The following FOXP2 variants were observed in gnomAD, a reference collection of about 807,000 sequenced individuals.
The protein encoded by FOXP2 is forkhead box protein P2.
FOXP2 carries 12 observed loss-of-function variants against 115.8 expected under a neutral mutation model. The ratio of observed to expected loss-of-function variants is 0.10; its 90% CI spans 0.07 to 0.17. The LOEUF is 0.17. FOXP2 is among the 10% of genes least tolerant of loss of function. The probability of loss-of-function intolerance (pLI) is 1.00; values close to 1 mark genes in which losing one functional copy is unlikely to be tolerated. For missense variants in FOXP2, 629 were observed against 843.5 expected (o/e 0.75, Z 3.15); for synonymous variants, 328 against 297.7 (o/e 1.10, Z -1.05).
intron 2 of FOXP2, among the ~76,000 whole-genome samples, chr7:114,355,174 C>T (rs1428448455): frequency 1.3e-5 from 2 of 152,102 alleles, no homozygotes; most frequent in East Asian, 1.9e-4. Context: ...ATAATGGGCA[C>T]TCTTTTGGGA....
intron 1 of FOXP2, among the ~76,000 whole-genome samples, chr7:114,182,240 T>C (rs1584529037): frequency 6.6e-6 from 1 of 152,030 alleles, no homozygotes; most frequent in East Asian, 1.9e-4. Context: ...CAAACAGTAA[T>C]GTAACTGATT....
intron 2 of FOXP2, among the ~76,000 whole-genome samples, chr7:114,353,587 A>G (rs956964555): frequency 6.6e-6 from 1 of 152,038 alleles, no homozygotes; most frequent in Non-Finnish European, 1.5e-5. Flanking sequence ...TTTAAAAATC[A>G]TCCATAAACT....
chr7:114,688,264 G>A (rs1186827427), intron 16 of FOXP2, among the ~76,000 whole-genome samples: 1 of 114,678 alleles, frequency 8.7e-6, no homozygotes, highest in Non-Finnish European at 1.8e-5. Flanking sequence ...TTTTTTTTTG[G>A]CCTAGTTTTG....
Position 114,654,022 on chromosome 7 carries a change from T to G in FOXP2, c.1266+13T>G. ...ATCTCCCAAACCTGTAAGTGCATAT[T>G]GCTTTATAAACAGTAAATAGCTCTA... On this transcript the variant is annotated intron_variant, in intron 10 of 16. Coordinates refer to ENST00000350908, the MANE Select transcript of FOXP2 (RefSeq NM_014491.4). 2 of 1,613,216 alleles carry G rather than the reference T, an allele frequency of 1.2e-6. No individual in the cohort carries two copies. The highest frequency in any genetic ancestry group is 1.7e-6 in the Non-Finnish European group (2 of 1,179,336).
At position 114,692,071 on chromosome 7, in the gene FOXP2, T is replaced by C; in HGVS notation, c.*2145T>C. 1 of 453,976 alleles carries C rather than the reference T, an allele frequency of 2.2e-6. No individual in the cohort carries two copies. The highest frequency in any genetic ancestry group is 4.4e-6 in the Non-Finnish European group (1 of 226,698). The allele number at this position is 453,976 out of a possible 1,614,324, so 28.1% of individuals were successfully genotyped here. A position where few individuals can be genotyped will look rare whatever the true frequency, so the allele number is the denominator to read the frequency against. On this transcript the variant is annotated 3_prime_UTR_variant, in exon 17 of 17. Transcript: ENST00000350908. ...TGATCAACGAACCGGAAGTTTACAA[T>C]ATGGTATTAAAAGAAAGATGGGTAT...
chr7:114,446,818 A>C (rs1794855015), intron 2 of FOXP2, among the ~76,000 whole-genome samples: 1 of 149,116 alleles, frequency 6.7e-6, no homozygotes, highest in African/African-American at 2.5e-5. Context: ...GGGTGATCTC[A>C]GCTCACTGCA....
chr7:114,146,182 T>C (rs186542806), intron 1 of FOXP2, among the ~76,000 whole-genome samples: 116 of 152,324 alleles, frequency 7.6e-4, no homozygotes, highest in African/African-American at 2.6e-3. Flanking sequence ...TTAGCTGTAA[T>C]TTCAGAGGTT....
chr7:114,114,447 C>T (rs1304952426), intron 1 of FOXP2, among the ~76,000 whole-genome samples: 2 of 152,008 alleles, frequency 1.3e-5, no homozygotes, highest in Non-Finnish European at 2.9e-5. Context: ...ACTTATGTCT[C>T]TTCCTGTGAA....
intron 3 of FOXP2, among the ~76,000 whole-genome samples, chr7:114,558,703 G>A (rs945496708): frequency 6.6e-6 from 1 of 152,000 alleles, no homozygotes; most frequent in African/African-American, 2.4e-5. Context: ...TTCTTACCTA[G>A]AGTCCTTTAT....
At chr7:114,142,814 G>A (rs993484409) in intron 1 of FOXP2, among the ~76,000 whole-genome samples, 1 of 151,750 alleles carries the variant, frequency 6.6e-6, no homozygotes, top group African/African-American at 2.4e-5. Flanking sequence ...ATAAATCTGA[G>A]ATATTTTTGA....
At chr7:114,248,485 G>T (rs1208225990) in intron 1 of FOXP2, among the ~76,000 whole-genome samples, 1 of 152,158 alleles carries the variant, frequency 6.6e-6, no homozygotes, top group Admixed American at 6.5e-5. Flanking sequence ...AACTCAATAC[G>T]TGATAATTTA....
chr7:114,188,509 A>G (rs1398712725), intron 1 of FOXP2, among the ~76,000 whole-genome samples: 2 of 152,210 alleles, frequency 1.3e-5, no homozygotes, highest in African/African-American at 4.8e-5. Flanking sequence ...CCCTACTTAA[A>G]GGTAGCTCCT....
At chr7:114,636,754 G>A (rs530203206) in intron 6 of FOXP2, among the ~76,000 whole-genome samples, 20 of 151,816 alleles carry the variant, frequency 1.3e-4, no homozygotes, top group African/African-American at 3.9e-4. Flanking sequence ...TGAAACTAGC[G>A]TAGACATTTT....
intron 1 of FOXP2, among the ~76,000 whole-genome samples, chr7:114,125,913 A>G (rs1791694749): frequency 6.6e-6 from 1 of 152,176 alleles, no homozygotes; most frequent in Non-Finnish European, 1.5e-5. Context: ...TTCAGTTCTA[A>G]TAAGAATGTT....
chr7:114,574,246 T>C (rs1031079519), intron 3 of FOXP2, among the ~76,000 whole-genome samples: 2 of 151,824 alleles, frequency 1.3e-5, no homozygotes, highest in African/African-American at 4.8e-5. Flanking sequence ...TTCACTATTC[T>C]AAGAGTAACA....
intron 2 of FOXP2, among the ~76,000 whole-genome samples, chr7:114,394,623 C>G (rs1562902244): frequency 1.3e-5 from 2 of 152,106 alleles, no homozygotes; most frequent in South Asian, 4.1e-4. Context: ...GAAATCATGT[C>G]CCACTTGATA....
intron 2 of FOXP2, among the ~76,000 whole-genome samples, chr7:114,396,759 C>T (rs1378195630): frequency 6.6e-6 from 1 of 151,840 alleles, no homozygotes; most frequent in Admixed American, 6.6e-5. Flanking sequence ...GAGAGCTCTA[C>T]TGCACAACAT....
intron 2 of FOXP2, among the ~76,000 whole-genome samples, chr7:114,323,389 G>A (rs941420849): frequency 2.0e-5 from 3 of 151,852 alleles, no homozygotes; most frequent in Admixed American, 6.6e-5. Flanking sequence ...AAATCCATTC[G>A]TTGTACAAGT....
intron 13 of FOXP2, among the ~76,000 whole-genome samples, chr7:114,660,700 A>G (rs1806813534): frequency 6.6e-6 from 1 of 152,204 alleles, no homozygotes; most frequent in Non-Finnish European, 1.5e-5. Flanking sequence ...AATGTCAGCA[A>G]TAATCTGTGC....
Sources: allele counts gnomAD v4.1 joint callset (sites outside exome capture counted in the v4.1 genomes callset), GRCh38; gene constraint gnomAD v4.1.1; transcripts MANE v1.5; gene names NCBI Gene and HGNC (gene_info 2026-07-23, HGNC 2026-07-21).